Variants in TGFBR2 observed in about 807,000 individuals in gnomAD.
TGFBR2 encodes TGF-beta receptor type-2.
TGFBR2 carries 18 observed loss-of-function variants against 49.0 expected under a neutral mutation model. The observed-to-expected ratio is 0.37, with a 90% confidence interval of 0.25 to 0.54. The LOEUF (loss-of-function observed/expected upper bound fraction) is 0.54, where lower values mean the gene tolerates loss of function less well. Among genes scored for constraint, TGFBR2 ranks in the 20% least tolerant of loss-of-function variants. The probability of loss-of-function intolerance (pLI) is 0.85; values close to 1 mark genes in which losing one functional copy is unlikely to be tolerated. For missense variants in TGFBR2, 525 were observed against 722.6 expected (o/e 0.73, Z 3.13); for synonymous variants, 282 against 275.9 (o/e 1.02, Z -0.22).
At chr3:30,607,072 G>C in intron 1 of TGFBR2, 95 bp downstream of exon 1, 2 of 1,102,840 alleles carry the variant, frequency 1.8e-6, no homozygotes, top group South Asian at 2.9e-5. Flanking sequence ...CCGGCAACCC[G>C]GCCCCCGGGC....
intron 1 of TGFBR2, among the ~76,000 whole-genome samples, chr3:30,619,115 A>G (rs1698183102): frequency 6.6e-6 from 1 of 152,212 alleles, no homozygotes; most frequent in Non-Finnish European, 1.5e-5. Flanking sequence ...AAACATAAAA[A>G]CTTTCCATTG....
At chr3:30,673,469 G>A (rs1024316992) in intron 4 of TGFBR2, among the ~76,000 whole-genome samples, 1 of 152,182 alleles carries the variant, frequency 6.6e-6, no homozygotes, top group African/African-American at 2.4e-5. Flanking sequence ...ATCAGTCATA[G>A]AGATTAGCAC....
chr3:30,643,138 G>C (rs1698674005), intron 1 of TGFBR2, among the ~76,000 whole-genome samples: 1 of 152,146 alleles, frequency 6.6e-6, no homozygotes, highest in South Asian at 2.1e-4. Context: ...AAATTCACAG[G>C]ACAGAGAGTG....
At chr3:30,644,443 C>A (rs1445496348) in intron 1 of TGFBR2, among the ~76,000 whole-genome samples, 1 of 152,146 alleles carries the variant, frequency 6.6e-6, no homozygotes, top group African/African-American at 2.4e-5. Context: ...GTGGGCCCAT[C>A]TAGGTTTCTT....
chr3:30,668,487 C>T (rs1025983042), intron 3 of TGFBR2, among the ~76,000 whole-genome samples: 7 of 152,162 alleles, frequency 4.6e-5, no homozygotes, highest in African/African-American at 1.2e-4. Flanking sequence ...ACTGCTGGAT[C>T]GGCTGTTGTG....
chr3:30,673,037 A>G (rs17026171), intron 4 of TGFBR2, among the ~76,000 whole-genome samples: 1 of 152,230 alleles, frequency 6.6e-6, no homozygotes, highest in Non-Finnish European at 1.5e-5. Context: ...AAATCACCAC[A>G]ACATCCCTTA....
intron 1 of TGFBR2, among the ~76,000 whole-genome samples, chr3:30,607,788 AAAAAT>A (rs1483737980): frequency 7.5e-6 from 1 of 132,888 alleles, no homozygotes; most frequent in Non-Finnish European, 1.5e-5. Context: ...AGGAAAAAAT[AAAAAT>A]AAAAAAATAT....
At chr3:30,665,547 T>C (rs1223342540) in intron 3 of TGFBR2, among the ~76,000 whole-genome samples, 17 of 152,178 alleles carry the variant, frequency 1.1e-4, no homozygotes, top group Admixed American at 1.1e-3. Flanking sequence ...TCTCCTCAAA[T>C]TCTACACTGC....
rs1559474540 is a variant in TGFBR2, at chr3:30,693,783, T to A, written c.*2184T>A. 1 of 233,464 alleles carries A rather than the reference T, an allele frequency of 4.3e-6. No homozygotes were observed. The highest frequency in any genetic ancestry group is 5.6e-5 in the Admixed American group (1 of 17,774). 14.5% of individuals were successfully genotyped at this position (233,464 alleles called of 1,614,324 possible). A position where few individuals can be genotyped will look rare whatever the true frequency, so the allele number is the denominator to read the frequency against. On this transcript the variant is annotated 3_prime_UTR_variant, in exon 7 of 7. Transcript: ENST00000295754. ...TTCAAGAGTATTCTCACTTCTGGGTTATCAGCATAAACTGGAATGTAGTGT... is the reference window on the plus strand; with the variant it reads ...TTCAAGAGTATTCTCACTTCTGGGTAATCAGCATAAACTGGAATGTAGTGT...
At chr3:30,659,969 A>C (rs1043346282) in intron 3 of TGFBR2, among the ~76,000 whole-genome samples, 7 of 152,114 alleles carry the variant, frequency 4.6e-5, no homozygotes, top group African/African-American at 1.7e-4. Flanking sequence ...GGCTGTATTC[A>C]CCACCATTTG....
intron 1 of TGFBR2, among the ~76,000 whole-genome samples, chr3:30,609,135 T>C (rs1697987908): frequency 6.6e-6 from 1 of 152,236 alleles, no homozygotes. Flanking sequence ...ACAGATTTCA[T>C]ATTTTTATAG....
chr3:30,654,192 A>G (rs1698952078), intron 3 of TGFBR2, among the ~76,000 whole-genome samples: 1 of 152,250 alleles, frequency 6.6e-6, no homozygotes, highest in South Asian at 2.1e-4. Flanking sequence ...CAGAGATTTA[A>G]CATTTGTTCC....
At chr3:30,642,203 C>T (rs1380119249) in intron 1 of TGFBR2, among the ~76,000 whole-genome samples, 1 of 152,158 alleles carries the variant, frequency 6.6e-6, no homozygotes, top group Non-Finnish European at 1.5e-5. Flanking sequence ...AAGAGCTAAT[C>T]ACCTCTCCTT....
chr3:30,630,554 A>C (rs1408916111), intron 1 of TGFBR2, among the ~76,000 whole-genome samples: 1 of 152,198 alleles, frequency 6.6e-6, no homozygotes, highest in Non-Finnish European at 1.5e-5. Flanking sequence ...GCTGGAATCT[A>C]TCTTGACTTT....
intron 3 of TGFBR2, chr3:30,661,766 C>A (rs1699137298): frequency 2.9e-6 from 1 of 347,336 alleles, no homozygotes; most frequent in Non-Finnish European, 5.7e-6. Flanking sequence ...CTGCTGTAAT[C>A]TTTGCTACAC....
rs767150491 is a variant in TGFBR2 at position 30,676,512 on chromosome 3, A to C, written c.1396+2266A>C. Among the ~76,000 whole-genome samples the C allele has an allele frequency of 6.6e-5, 10 of 152,262 alleles. No individual in the cohort carries two copies. Among genetic ancestry groups the C allele is most frequent in the Non-Finnish European group, 1.2e-4 (8 of 68,008 alleles). ...CCTGTTCTTTGTTTACTAATTATGT[A>C]TTTATATCAGCAGGGGATTTGGGGT... On this transcript the variant is annotated intron_variant, in intron 5 of 6. Coordinates refer to ENST00000295754, the MANE Select transcript of TGFBR2 (RefSeq NM_003242.6). This position sits in a 1 kb window ranked among gnomAD's most constrained non-coding sequence, Gnocchi z 4.3.
At chr3:30,657,185 C>A (rs1039233475) in intron 3 of TGFBR2, among the ~76,000 whole-genome samples, 1 of 152,170 alleles carries the variant, frequency 6.6e-6, no homozygotes, top group Non-Finnish European at 1.5e-5. Flanking sequence ...AATACCCTTA[C>A]CCTTCCACAT....
intron 3 of TGFBR2, among the ~76,000 whole-genome samples, chr3:30,660,140 TA>T (rs1311854669): frequency 6.6e-6 from 1 of 152,248 alleles, no homozygotes; most frequent in Non-Finnish European, 1.5e-5. Flanking sequence ...TATCTACTTT[TA>T]AAAATATACA....
At chr3:30,686,111 G>A (rs761826252) in intron 5 of TGFBR2, among the ~76,000 whole-genome samples, 6 of 152,128 alleles carry the variant, frequency 3.9e-5, no homozygotes, top group Non-Finnish European at 8.8e-5. Flanking sequence ...AACACTTACT[G>A]GGAACCAGAT....
Sources: allele counts gnomAD v4.1 joint callset (sites outside exome capture counted in the v4.1 genomes callset), GRCh38; gene constraint gnomAD v4.1.1; non-coding constraint Gnocchi (gnomAD v3.1); transcripts MANE v1.5; gene names NCBI Gene and HGNC (gene_info 2026-07-23, HGNC 2026-07-21).